Variants in DSC3 observed in about 807,000 individuals in gnomAD.
The protein encoded by DSC3 is desmocollin-3.
Under a neutral mutation model 89.5 loss-of-function variants are expected in DSC3, and 97 were observed. The ratio of observed to expected loss-of-function variants is 1.08; its 90% CI spans 0.92 to 1.28. The LOEUF is 1.28. Ranked by LOEUF, DSC3 falls within the 50% of genes most tolerant of loss-of-function variation. DSC3 has a pLI of 0.00. For synonymous variants in DSC3, 436 were observed against 384.1 expected (o/e 1.14, Z -1.58); for missense variants, 1,199 against 1,085.3 (o/e 1.10, Z -1.47).
chr18:31,001,881 T>C, intron 13 of DSC3, 142 bp from the exon 14 acceptor site: 1 of 647,636 alleles, frequency 1.5e-6, no homozygotes, highest in Non-Finnish European at 2.5e-6. Flanking sequence ...TTGGCTGTTC[T>C]AAGTTAACAT....
At chr18:31,037,969 G>A (rs561302072) in intron 1 of DSC3, among the ~76,000 whole-genome samples, 1 of 151,638 alleles carries the variant, frequency 6.6e-6, no homozygotes, top group African/African-American at 2.4e-5. Context: ...GAAATGAAAT[G>A]TTTCCACTTT....
intron 7 of DSC3, among the ~76,000 whole-genome samples, chr18:31,020,668 T>C (rs276919): frequency 0.57 from 86,875 of 151,858 alleles, 25,635 homozygotes; most frequent in East Asian, 0.94. Context: ...TCTAGTCAGG[T>C]GCCATGGCTC....
chr18:30,995,174 A>G (rs1984413212), intron 15 of DSC3, among the ~76,000 whole-genome samples: 1 of 151,634 alleles, frequency 6.6e-6, no homozygotes. Context: ...CCCTTTCCTC[A>G]CCTGTGTGCC....
At chr18:31,013,978 C>T (rs1985153441) in intron 9 of DSC3, among the ~76,000 whole-genome samples, 1 of 151,974 alleles carries the variant, frequency 6.6e-6, no homozygotes, top group Admixed American at 6.6e-5. Context: ...ATTGATATGG[C>T]CTAAATTTCC....
chr18:31,037,402 A>G (rs540159597), intron 1 of DSC3, among the ~76,000 whole-genome samples: 2 of 152,286 alleles, frequency 1.3e-5, no homozygotes, highest in East Asian at 3.9e-4. Context: ...CAAGTCTTTC[A>G]TTATTGCTAA....
chr18:30,994,477 G>C (rs1598594395), intron 15 of DSC3, 105 bp from the exon 16 acceptor site: 1 of 1,594,866 alleles, frequency 6.3e-7, no homozygotes. Context: ...TTTTTAACCA[G>C]TGTGTCCTCT....
Position 31,008,354 on chromosome 18 carries a change from G to T in DSC3, c.1435C>A (p.Arg479=). The T allele has an allele frequency of 1.2e-6, 2 of 1,613,906 alleles. No individual in the cohort carries two copies. The highest frequency in any genetic ancestry group is 2.2e-5 in the East Asian group (1 of 44,856). ...CCCACTGCTAAGTTTTCTTTAATCC[G>T]CACATATTGGGCTGCAGGAGTGCAT... is the stretch of plus-strand genomic sequence containing the variant. The part of the protein sequence containing the change: ...PECTPAAQYV[R]IKENLAVGSK... The change falls in exon 10 of 16, where the codon CGG becomes AGG. Residue 479 remains arginine, a synonymous_variant. Transcript: ENST00000360428.
chr18:31,041,093 T>C (rs1159091435), intron 1 of DSC3, among the ~76,000 whole-genome samples: 2 of 152,038 alleles, frequency 1.3e-5, no homozygotes, highest in Non-Finnish European at 2.9e-5. Context: ...TTGCCACAGC[T>C]CGACACCCCC....
At chr18:30,996,734 T>A (rs1984478003) in intron 15 of DSC3, 57 bp downstream of exon 15, 2 of 1,602,646 alleles carry the variant, frequency 1.2e-6, no homozygotes, top group Non-Finnish European at 1.7e-6. Flanking sequence ...TTGAATTGTC[T>A]ATTTTTCTCC....
rs1193929067 is a variant in DSC3 at position 31,025,798 on chromosome 18, T to G, written c.592A>C (p.Thr198Pro). 1.2e-6 allele frequency: 2 copies of G among 1,613,110 alleles called. No homozygotes were observed. The highest frequency in any genetic ancestry group is 2.7e-5 in the African/African-American group (2 of 74,846). ...IERDTGNLFC[T>P]RPVDREEYDV... ...TATTCTTCACGATCCACAGGCCGAGTGCAAAATAGATTTCCAGTGTCTCTT... is the reference window on the plus strand; with the variant it reads ...TATTCTTCACGATCCACAGGCCGAGGGCAAAATAGATTTCCAGTGTCTCTT... Residue 198 changes from threonine (T) to proline (P), a missense_variant, in exon 5 of 16, where the codon ACT becomes CCT. Transcript: ENST00000360428.
At chr18:31,018,491 C>T (rs1359509477) in intron 8 of DSC3, among the ~76,000 whole-genome samples, 175 bp downstream of exon 8, 1 of 151,846 alleles carries the variant, frequency 6.6e-6, no homozygotes, top group Non-Finnish European at 1.5e-5. Flanking sequence ...AATAGAAACA[C>T]TAATATGAAT....
intron 14 of DSC3, among the ~76,000 whole-genome samples, chr18:30,998,080 A>T (rs1481803733): frequency 6.6e-6 from 1 of 152,250 alleles, no homozygotes; most frequent in Non-Finnish European, 1.5e-5. Flanking sequence ...CATTACAGAG[A>T]GAAACACATT....
intron 7 of DSC3, 60 bp downstream of exon 7, chr18:31,022,276 A>G (rs910740867): frequency 1.9e-6 from 3 of 1,596,434 alleles, no homozygotes; most frequent in African/African-American, 2.7e-5. Context: ...AAGTTATAAT[A>G]AATGGGGGAG....
intron 7 of DSC3, among the ~76,000 whole-genome samples, chr18:31,020,366 G>A (rs1985377371): frequency 6.6e-6 from 1 of 152,146 alleles, no homozygotes. Flanking sequence ...AGAGAAGCAG[G>A]AGGAAGACCA....
intron 12 of DSC3, 31 bp from the exon 13 acceptor site, chr18:31,004,397 A>C: frequency 1.9e-6 from 3 of 1,585,972 alleles, no homozygotes; most frequent in Non-Finnish European, 1.7e-6. Flanking sequence ...TTTATTTTTT[A>C]ATGATCATTT....
chr18:30,998,198 G>A (rs1984541577), intron 14 of DSC3, among the ~76,000 whole-genome samples: 1 of 152,098 alleles, frequency 6.6e-6, no homozygotes, highest in Non-Finnish European at 1.5e-5. Context: ...TGATATTCCA[G>A]GTAAAAATGA....
chr18:31,008,145 G>A lies in DSC3; in HGVS notation c.1534C>T (p.His512Tyr), dbSNP rs749919966. 1.2e-6 allele frequency: 2 copies of A among 1,610,852 alleles called. No individual in the cohort carries two copies. The highest frequency in any genetic ancestry group is 2.2e-5 in the South Asian group (2 of 90,828). Reference sequence around the variant, plus strand: ...ATGGTGATCCAACCTTTAGGATCATGCAATTTTTTGTACCTGTTAATAAAA... The same window carrying A: ...ATGGTGATCCAACCTTTAGGATCATACAATTTTTTGTACCTGTTAATAAAA... ...NGNGLRYKKL[H>Y]DPKGWITIDE... Residue 512 changes from histidine (H) to tyrosine (Y), a missense_variant, in exon 11 of 16, where the codon CAT becomes TAT. Transcript: ENST00000360428.
At chr18:31,025,492 T>C (rs866974757) in intron 5 of DSC3, among the ~76,000 whole-genome samples, 18 of 152,074 alleles carry the variant, frequency 1.2e-4, no homozygotes, top group African/African-American at 4.3e-4. Context: ...AAAACCAACT[T>C]TTTGGAAATT....
chr18:31,006,382 C>T (rs1409105774), intron 12 of DSC3, among the ~76,000 whole-genome samples: 1 of 152,142 alleles, frequency 6.6e-6, no homozygotes, highest in African/African-American at 2.4e-5. Context: ...CTCACTGCAA[C>T]TTCCACCTAC....
Sources: gnomAD v4.1 joint callset for allele counts (sites outside exome capture counted in the v4.1 genomes callset) on GRCh38, gnomAD v4.1.1 for gene constraint, MANE v1.5 for transcripts, NCBI Gene and HGNC (gene_info 2026-07-23, HGNC 2026-07-21) for gene names.